PIGU: variants seen among roughly 807,000 people sequenced by gnomAD.
The protein encoded by PIGU is phosphatidylinositol glycan anchor biosynthesis class U.
In PIGU, 24 loss-of-function variants were observed where a neutral mutation model predicts 49.9. The ratio of observed to expected loss-of-function variants is 0.48; its 90% CI spans 0.35 to 0.68. The LOEUF (loss-of-function observed/expected upper bound fraction) is 0.68, where lower values mean the gene tolerates loss of function less well. Among genes scored for constraint, PIGU ranks in the 30% least tolerant of loss-of-function variants. The pLI, the probability that PIGU is intolerant of heterozygous loss-of-function variation, is 0.01. For synonymous variants in PIGU, 220 were observed against 205.7 expected, an observed-to-expected ratio of 1.07 and a Z score of -0.59; for missense variants, 490 against 532.6, an observed-to-expected ratio of 0.92 and a Z score of 0.79.
chr20:34,665,631 C>T (rs533787518), intron 1 of PIGU, among the ~76,000 whole-genome samples: 122 of 152,232 alleles, frequency 8.0e-4, no homozygotes, highest in Admixed American at 1.8e-3. Context: ...GGAGCCACCA[C>T]GCCTGGCCCA....
At chr20:34,616,929 G>A (rs1985034143) in intron 6 of PIGU, among the ~76,000 whole-genome samples, 1 of 152,216 alleles carries the variant, frequency 6.6e-6, no homozygotes, top group Non-Finnish European at 1.5e-5. Context: ...AGCCAACATG[G>A]TGAAACCTCG....
At chr20:34,649,158 C>T (rs1033276736) in intron 2 of PIGU, among the ~76,000 whole-genome samples, 2 of 151,986 alleles carry the variant, frequency 1.3e-5, no homozygotes, top group Non-Finnish European at 2.9e-5. Context: ...TGAGCCACCA[C>T]GCCCGGTCTG....
rs1983106340 is a variant in PIGU at position 34,573,693 on chromosome 20, C to T, written c.1194+1411G>A. ...CAGAAAGGCAGGAGAGCCAGGGCAACCTTCTGGATTCCTTCAGGATATGCA... is the reference window on the plus strand; with the variant it reads ...CAGAAAGGCAGGAGAGCCAGGGCAATCTTCTGGATTCCTTCAGGATATGCA... On this transcript the variant is annotated intron_variant, in intron 11 of 11. Coordinates refer to ENST00000217446, the MANE Select transcript of PIGU (RefSeq NM_080476.5). 2.6e-5 allele frequency among the ~76,000 whole-genome samples: 4 copies of T among 152,228 alleles called. No homozygotes were observed. The South Asian group carries it at 8.3e-4, about 31-fold the overall frequency.
At chr20:34,672,187 C>G (rs945896773) in intron 1 of PIGU, among the ~76,000 whole-genome samples, 1 of 152,044 alleles carries the variant, frequency 6.6e-6, no homozygotes, top group Non-Finnish European at 1.5e-5. Flanking sequence ...GTGATCCTCC[C>G]GCCTCGGCCT....
At chr20:34,641,975 T>C (rs1262152776) in intron 4 of PIGU, among the ~76,000 whole-genome samples, 1 of 152,194 alleles carries the variant, frequency 6.6e-6, no homozygotes, top group Non-Finnish European at 1.5e-5. Flanking sequence ...AATGTCTTGG[T>C]GCACTAAAAA....
At chr20:34,589,277 T>A (rs563435478) in intron 7 of PIGU, among the ~76,000 whole-genome samples, 1 of 152,176 alleles carries the variant, frequency 6.6e-6, no homozygotes. Flanking sequence ...GGCATTCATA[T>A]GCAAAATGAA....
chr20:34,629,775 T>A (rs181626692), intron 6 of PIGU, among the ~76,000 whole-genome samples: 3 of 152,262 alleles, frequency 2.0e-5, no homozygotes, highest in African/African-American at 7.2e-5. Context: ...AGAGGAACTT[T>A]TAGTTAAAAA....
At chr20:34,661,087 A>G (rs1334313523) in intron 1 of PIGU, among the ~76,000 whole-genome samples, 1 of 152,244 alleles carries the variant, frequency 6.6e-6, no homozygotes, top group Non-Finnish European at 1.5e-5. Context: ...GAAGAAAAGC[A>G]GCCCATAAAA....
At chr20:34,673,770 C>T (rs1987388576) in intron 1 of PIGU, among the ~76,000 whole-genome samples, 1 of 152,128 alleles carries the variant, frequency 6.6e-6, no homozygotes, top group Non-Finnish European at 1.5e-5. Context: ...ATTCATACAG[C>T]TTGGCCGGGC....
At chr20:34,582,878 C>T (rs1029190572) in intron 9 of PIGU, among the ~76,000 whole-genome samples, 1 of 152,034 alleles carries the variant, frequency 6.6e-6, no homozygotes, top group Non-Finnish European at 1.5e-5. Context: ...GGACAGAGCT[C>T]AATCTCGGTG....
intron 7 of PIGU, among the ~76,000 whole-genome samples, chr20:34,589,194 GTTA>G (rs1263057821): frequency 6.6e-6 from 1 of 151,122 alleles, no homozygotes; most frequent in Non-Finnish European, 1.5e-5. Context: ...ATATACTAAA[GTTA>G]TGATAGTATT....
chr20:34,588,282 G>A (rs1393474122), intron 8 of PIGU, among the ~76,000 whole-genome samples, 171 bp downstream of exon 8: 3 of 152,016 alleles, frequency 2.0e-5, no homozygotes, highest in Non-Finnish European at 2.9e-5. Context: ...CTTTAAGTAA[G>A]TAGCCGGAAG....
At chr20:34,576,200 G>C (rs1052712306) in intron 10 of PIGU, among the ~76,000 whole-genome samples, 2 of 151,776 alleles carry the variant, frequency 1.3e-5, no homozygotes, top group African/African-American at 4.8e-5. Context: ...CATAGTGAGA[G>C]CCCATCTCTA....
At chr20:34,602,046 C>T (rs1984444147) in intron 7 of PIGU, among the ~76,000 whole-genome samples, 1 of 152,114 alleles carries the variant, frequency 6.6e-6, no homozygotes, top group Non-Finnish European at 1.5e-5. Context: ...CTTTGGAAGG[C>T]CAAGGCGGGC....
intron 7 of PIGU, among the ~76,000 whole-genome samples, chr20:34,603,169 G>C (rs965964881): frequency 6.6e-6 from 1 of 151,922 alleles, no homozygotes; most frequent in African/African-American, 2.4e-5. Flanking sequence ...GCTATATCCA[G>C]AGGCTTGATC....
At chr20:34,591,712 A>C (rs1983996187) in intron 7 of PIGU, among the ~76,000 whole-genome samples, 1 of 152,268 alleles carries the variant, frequency 6.6e-6, no homozygotes, top group Admixed American at 6.5e-5. Flanking sequence ...TTTCAAGTAT[A>C]CAATATATTA....
intron 7 of PIGU, among the ~76,000 whole-genome samples, chr20:34,611,516 C>T (rs1260350343): frequency 1.3e-5 from 2 of 151,578 alleles, no homozygotes; most frequent in South Asian, 4.2e-4. Flanking sequence ...CATGGTGGCA[C>T]GTGCCTGCAG....
chr20:34,636,290 C>T (rs1379889508), intron 5 of PIGU, among the ~76,000 whole-genome samples: 3 of 152,004 alleles, frequency 2.0e-5, no homozygotes, highest in Admixed American at 2.0e-4. Context: ...TGCCTGTAAT[C>T]CCAGCACTTT....
At chr20:34,669,682 A>AAAG (rs1555804342) in intron 1 of PIGU, among the ~76,000 whole-genome samples, 1 of 151,120 alleles carries the variant, frequency 6.6e-6, no homozygotes, top group African/African-American at 2.4e-5. Flanking sequence ...AAAAAAAAAA[A>AAAG]GTAAAAAACA....
Sources: allele counts gnomAD v4.1 joint callset (sites outside exome capture counted in the v4.1 genomes callset), GRCh38; gene constraint gnomAD v4.1.1; transcripts MANE v1.5; gene names NCBI Gene and HGNC (gene_info 2026-07-23, HGNC 2026-07-21).